RAB1A: variants seen among roughly 807,000 people sequenced by gnomAD.
The protein encoded by RAB1A is RAB1A, member RAS oncogene family.
A neutral mutation model predicts 26.0 loss-of-function variants in RAB1A; 2 were observed. That is an observed-to-expected ratio of 0.08 (90% confidence interval 0.03 to 0.24). The LOEUF is 0.24. Ranked by LOEUF, RAB1A falls within the 10% of genes least tolerant of loss-of-function variation. RAB1A has a pLI of 1.00. For synonymous variants in RAB1A, 84 were observed against 84.9 expected (o/e 0.99, Z 0.06); for missense variants, 100 against 247.0 (o/e 0.40, Z 3.99).
intron 1 of RAB1A, among the ~76,000 whole-genome samples, chr2:65,119,029 A>C (rs1248691241): frequency 1.3e-5 from 2 of 151,906 alleles, no homozygotes; most frequent in Non-Finnish European, 2.9e-5. Context: ...TCTCTACAAA[A>C]AAAGAGAAAA....
chr2:65,094,970 C>A (rs1166895486), intron 3 of RAB1A, among the ~76,000 whole-genome samples: 1 of 152,132 alleles, frequency 6.6e-6, no homozygotes, highest in Non-Finnish European at 1.5e-5. Flanking sequence ...CTGATTCAGG[C>A]AGCTCTACAA....
chr2:65,122,766 G>A (rs1669997582), intron 1 of RAB1A, among the ~76,000 whole-genome samples: 1 of 151,894 alleles, frequency 6.6e-6, no homozygotes, highest in Admixed American at 6.6e-5. Context: ...CACAAGGTCA[G>A]GAGATCATCC....
intron 1 of RAB1A, among the ~76,000 whole-genome samples, chr2:65,129,216 A>C (rs1670177544): frequency 6.6e-6 from 1 of 151,746 alleles, no homozygotes; most frequent in Non-Finnish European, 1.5e-5. Flanking sequence ...AAAAAAACAA[A>C]ATTCTCACAA....
intron 1 of RAB1A, chr2:65,106,519 T>C (rs921442514): frequency 3.9e-4 from 71 of 183,574 alleles, no homozygotes; most frequent in African/African-American, 1.5e-3. Flanking sequence ...ACTTAAAACA[T>C]TGTTTGGGTT....
At chr2:65,129,194 T>G (rs1178587202) in intron 1 of RAB1A, among the ~76,000 whole-genome samples, 1 of 143,666 alleles carries the variant, frequency 7.0e-6, no homozygotes, top group Non-Finnish European at 1.5e-5. Flanking sequence ...TTAGGTGTCC[T>G]CTTTAAAAAA....
intron 1 of RAB1A, among the ~76,000 whole-genome samples, chr2:65,120,726 C>T (rs1233963035): frequency 6.6e-6 from 1 of 151,944 alleles, no homozygotes; most frequent in Non-Finnish European, 1.5e-5. Flanking sequence ...TATGGCTACA[C>T]GACCATAAAT....
chr2:65,116,972 AT>A (rs2103871282), intron 1 of RAB1A, among the ~76,000 whole-genome samples: 1 of 152,374 alleles, frequency 6.6e-6, no homozygotes, highest in East Asian at 1.9e-4. Flanking sequence ...AATGGATACA[AT>A]TAATTTCAAC....
intron 1 of RAB1A, among the ~76,000 whole-genome samples, chr2:65,115,743 T>C (rs975955316): frequency 1.3e-5 from 2 of 152,112 alleles, no homozygotes; most frequent in African/African-American, 2.4e-5. Flanking sequence ...AGATGAACCA[T>C]CTTAAAAAAA....
At position 65,088,660 on chromosome 2, in the gene RAB1A, A is replaced by G. The variant is rs1184856056; in HGVS notation, c.451T>C (p.Leu151=). 6.2e-7 allele frequency: 1 copy of G among 1,610,590 alleles called. No homozygotes were observed. The change falls in exon 6 of 6, where the codon TTG becomes CTG. Residue 151 remains leucine, a synonymous_variant. Coordinates refer to ENST00000409784, the MANE Select transcript of RAB1A (RefSeq NM_004161.5). ...GTTGCATTCTTAGCACTGGTTTCCA[A>G]AAACGGAATTCCAAGGGAATCAGCA... ...EFADSLGIPF[L]ETSAKNATNV...
chr2:65,089,702 A>ATTTTTTTTTTT lies in RAB1A; in HGVS notation c.289-643_289-633dup, dbSNP rs58993413. Among the ~76,000 whole-genome samples the ATTTTTTTTTTT allele has an allele frequency of 1.8e-3, 261 of 141,940 alleles. 5 individuals are homozygous for ATTTTTTTTTTT. Among genetic ancestry groups the ATTTTTTTTTTT allele is most frequent in the African/African-American group, 6.5e-3 (244 of 37,640 alleles). The allele number at this position is 141,940 out of a possible 152,430, so 93.1% of individuals were successfully genotyped here. On this transcript the variant is annotated intron_variant, in intron 4 of 5. Transcript: ENST00000409784. The stretch of plus-strand genomic sequence containing the variant: ...AAAACCTGGTTTTGAAATTTGATTA[A>ATTTTTTTTTTT]TTTTTTTTTTTTTTTTTTGAGACAA...
intron 1 of RAB1A, among the ~76,000 whole-genome samples, chr2:65,127,062 G>C (rs1670116777): frequency 6.6e-6 from 1 of 152,030 alleles, no homozygotes; most frequent in Non-Finnish European, 1.5e-5. Flanking sequence ...TTACTAAACA[G>C]TCTAGAATAC....
At position 65,095,561 on chromosome 2, in the gene RAB1A, C is replaced by G. The variant is rs574849348; in HGVS notation, c.192+2410G>C. Among the ~76,000 whole-genome samples the G allele has an allele frequency of 5.4e-5, 8 of 149,186 alleles. No homozygotes were observed. The East Asian group carries it at 1.6e-3, about 30-fold the overall frequency. ...GTAGAGATAGAGTCTCTATGTTGAC[C>G]AGGCTGGTCACAGGAGCTATGTTGA... is the stretch of plus-strand genomic sequence containing the variant. On this transcript the variant is annotated intron_variant, in intron 3 of 5. Transcript: ENST00000409784.
intron 1 of RAB1A, among the ~76,000 whole-genome samples, chr2:65,113,870 T>C (rs959586064): frequency 1.3e-5 from 2 of 152,220 alleles, no homozygotes; most frequent in South Asian, 2.1e-4. Context: ...AGGACTATAA[T>C]GGATTGACGG....
rs778266956 is a variant in RAB1A, at chr2:65,111,678, AG to A, written c.24-6873del. Among the ~76,000 whole-genome samples, 15 of 152,362 alleles carry A rather than the reference AG, an allele frequency of 9.8e-5. No individual in the cohort carries two copies. In the East Asian group the frequency reaches 2.5e-3, roughly 25 times the overall value. ...ACCATGTATGTAAGATGTTACTATT[AG>A]GAAAAGCGGAAAGAAGGGTATACAA... On this transcript the variant is annotated intron_variant, in intron 1 of 5. Transcript: ENST00000409784.
intron 1 of RAB1A, among the ~76,000 whole-genome samples, chr2:65,122,274 C>T (rs1212592209): frequency 3.3e-5 from 5 of 150,676 alleles, no homozygotes; most frequent in African/African-American, 9.8e-5. Context: ...CTCAGCCAAG[C>T]GTGGGGCTCA....
intron 1 of RAB1A, among the ~76,000 whole-genome samples, chr2:65,114,984 ACT>A (rs1053555783): frequency 1.3e-5 from 2 of 152,130 alleles, no homozygotes; most frequent in African/African-American, 4.8e-5. Context: ...CTCTGGAGTC[ACT>A]CTGTTATAAA....
chr2:65,107,590 T>C (rs1297005004), intron 1 of RAB1A, among the ~76,000 whole-genome samples: 1 of 151,986 alleles, frequency 6.6e-6, no homozygotes, highest in Non-Finnish European at 1.5e-5. Flanking sequence ...GGTGTTCAAG[T>C]GATTCTCAGG....
chr2:65,117,236 T>C (rs1287986309), intron 1 of RAB1A, among the ~76,000 whole-genome samples: 1 of 152,026 alleles, frequency 6.6e-6, no homozygotes, highest in Non-Finnish European at 1.5e-5. Flanking sequence ...GGCTATTTTT[T>C]ATTTTTAGTT....
intron 1 of RAB1A, among the ~76,000 whole-genome samples, chr2:65,120,188 T>C (rs1669928011): frequency 1.3e-5 from 2 of 152,126 alleles, no homozygotes; most frequent in Admixed American, 1.3e-4. Context: ...CCGGGAACAG[T>C]GGCTCACACC....
Sources: allele counts gnomAD v4.1 joint callset (sites outside exome capture counted in the v4.1 genomes callset), GRCh38; gene constraint gnomAD v4.1.1; transcripts MANE v1.5; gene names NCBI Gene and HGNC (gene_info 2026-07-23, HGNC 2026-07-21).